The following KLRG1 variants were observed in gnomAD, a reference collection of about 807,000 sequenced individuals.
KLRG1 encodes killer cell lectin-like receptor subfamily G member 1.
A neutral mutation model predicts 21.8 loss-of-function variants in KLRG1; 16 were observed. The ratio of observed to expected loss-of-function variants is 0.73; its 90% CI spans 0.50 to 1.11. The LOEUF (loss-of-function observed/expected upper bound fraction) is 1.11, where lower values mean the gene tolerates loss of function less well. Among genes scored for constraint, KLRG1 ranks in the 50% most tolerant of loss-of-function variants. The probability of loss-of-function intolerance (pLI) is 0.00; values close to 1 mark genes in which losing one functional copy is unlikely to be tolerated. For synonymous variants in KLRG1, 69 were observed against 75.9 expected, an observed-to-expected ratio of 0.91 and a Z score of 0.47; for missense variants, 173 against 218.3, an observed-to-expected ratio of 0.79 and a Z score of 1.31.
the KLRG1 span, among the ~76,000 whole-genome samples, chr12:9,094,340 C>CATAT: frequency 0.06 from 5,829 of 96,782 alleles, 233 homozygotes; most frequent in East Asian, 0.14. Flanking sequence ...AAAAATTGTG[C>CATAT]ATATATATAT....
chr12:9,206,337 T>G, the KLRG1 span, among the ~76,000 whole-genome samples: 1 of 152,044 alleles, frequency 6.6e-6, no homozygotes, highest in Non-Finnish European at 1.5e-5. Context: ...TCCACATATA[T>G]TTGATATTCT....
At chr12:9,047,314 G>T in the KLRG1 span, among the ~76,000 whole-genome samples, 1 of 152,276 alleles carries the variant, frequency 6.6e-6, no homozygotes, top group East Asian at 1.9e-4. Flanking sequence ...CTCTTATAAG[G>T]TATGTGCACC....
the KLRG1 span, among the ~76,000 whole-genome samples, chr12:9,031,057 A>C: frequency 1.3e-5 from 2 of 152,204 alleles, no homozygotes; most frequent in Admixed American, 1.3e-4. Flanking sequence ...AATTAATTTT[A>C]ACATTTTAGA....
chr12:9,159,195 T>C, the KLRG1 span, among the ~76,000 whole-genome samples: 2 of 152,124 alleles, frequency 1.3e-5, no homozygotes, highest in African/African-American at 4.8e-5. Flanking sequence ...GGGGGCAAGT[T>C]ACAAACCTAT....
the KLRG1 span, chr12:9,157,649 G>A: frequency 5.5e-6 from 5 of 915,574 alleles, no homozygotes; most frequent in Non-Finnish European, 6.8e-6. Flanking sequence ...TTATCAGTCT[G>A]AGAAATCCCT....
At chr12:9,035,675 C>T in the KLRG1 span, among the ~76,000 whole-genome samples, 1 of 151,724 alleles carries the variant, frequency 6.6e-6, no homozygotes, top group African/African-American at 2.4e-5. Context: ...ATAAATTGTT[C>T]TACCAAAAAG....
At chr12:9,173,624 C>T in the KLRG1 span, among the ~76,000 whole-genome samples, 4 of 152,064 alleles carry the variant, frequency 2.6e-5, no homozygotes, top group African/African-American at 9.7e-5. Context: ...CAAGTAGACA[C>T]AATCAGAAAT....
the KLRG1 span, among the ~76,000 whole-genome samples, chr12:9,061,822 G>T: frequency 9.0e-4 from 137 of 152,118 alleles, no homozygotes; most frequent in African/African-American, 3.2e-3. Context: ...TTAATGAAGA[G>T]AATTACTTTA....
the KLRG1 span, among the ~76,000 whole-genome samples, chr12:9,118,696 T>C: frequency 1.1e-4 from 16 of 152,238 alleles, no homozygotes; most frequent in Admixed American, 1.0e-3. Context: ...ACTCTAAGTG[T>C]CCTAGGTCAC....
the KLRG1 span, among the ~76,000 whole-genome samples, chr12:9,042,950 A>T: frequency 6.6e-6 from 1 of 152,184 alleles, no homozygotes; most frequent in Non-Finnish European, 1.5e-5. Flanking sequence ...GTTCCCAGCC[A>T]GAATTGCTAT....
At chr12:9,076,574 C>T in the KLRG1 span, among the ~76,000 whole-genome samples, 57,378 of 152,066 alleles carry the variant, frequency 0.38, 11,553 homozygotes, top group African/African-American at 0.49. Context: ...CTCTTGTCTT[C>T]TGATTTCTGA....
the KLRG1 span, among the ~76,000 whole-genome samples, chr12:9,044,956 GGA>G: frequency 1.3e-5 from 2 of 152,080 alleles, no homozygotes; most frequent in Non-Finnish European, 2.9e-5. Flanking sequence ...TGTCACTAAA[GGA>G]GTGAATAAAA....
the KLRG1 span, chr12:9,163,570 A>G: frequency 7.5e-7 from 1 of 1,341,622 alleles, no homozygotes; most frequent in Non-Finnish European, 1.0e-6. Flanking sequence ...TACAGGATGT[A>G]TTGTGTGAGC....
chr12:9,197,036 C>T, the KLRG1 span: 5 of 1,613,016 alleles, frequency 3.1e-6, no homozygotes, highest in Admixed American at 3.3e-5. Flanking sequence ...CCTCACAGAC[C>T]TCCTGCTTGT....
the KLRG1 span, chr12:9,163,618 G>A: frequency 2.8e-4 from 445 of 1,595,462 alleles, no homozygotes; most frequent in African/African-American, 7.5e-4. Flanking sequence ...AAGAGTGACC[G>A]CCCGGTGTTG....
chr12:9,154,865 T>C, the KLRG1 span: 6 of 1,579,140 alleles, frequency 3.8e-6, no homozygotes, highest in Admixed American at 1.7e-5. Context: ...AAGGAGATAA[T>C]TGTAACTCAT....
At chr12:9,035,250 T>C in the KLRG1 span, among the ~76,000 whole-genome samples, 1 of 152,092 alleles carries the variant, frequency 6.6e-6, no homozygotes, top group Non-Finnish European at 1.5e-5. Flanking sequence ...ATATACACCA[T>C]GGAATACTAT....
chr12:9,050,813 AC>A, the KLRG1 span, among the ~76,000 whole-genome samples: 1 of 152,080 alleles, frequency 6.6e-6, no homozygotes, highest in African/African-American at 2.4e-5. Context: ...TGCAGTGTGC[AC>A]CCTCATGGGC....
At chr12:9,157,926 T>G in the KLRG1 span, 1 of 1,098,350 alleles carries the variant, frequency 9.1e-7, no homozygotes, top group Non-Finnish European at 1.4e-6. Context: ...CGCTCCTCAG[T>G]ATCTGTTTCC....
Sources: allele counts gnomAD v4.1 joint callset (sites outside exome capture counted in the v4.1 genomes callset), GRCh38; gene constraint gnomAD v4.1.1; transcripts MANE v1.5; gene names NCBI Gene and HGNC (gene_info 2026-07-23, HGNC 2026-07-21).